The following TBCE variants were observed in gnomAD, a reference collection of about 807,000 sequenced individuals.
The protein encoded by TBCE is tubulin folding cofactor E, also known as tubulin-specific chaperone E.
In TBCE, 53 loss-of-function variants were observed where a neutral mutation model predicts 77.0. That is an observed-to-expected ratio of 0.69 (90% CI 0.55 to 0.87). The LOEUF (loss-of-function observed/expected upper bound fraction) is 0.87. Among genes scored for constraint, TBCE ranks in the 40% least tolerant of loss-of-function variants. The pLI, the probability that TBCE is intolerant of heterozygous loss-of-function variation, is 0.00. For synonymous variants in TBCE, 235 were observed against 241.3 expected (o/e 0.97, Z 0.24); for missense variants, 624 against 622.4 (o/e 1.00, Z -0.03).
intron 3 of TBCE, among the ~76,000 whole-genome samples, chr1:235,411,362 G>A (rs1472328831): frequency 6.6e-6 from 1 of 152,160 alleles, no homozygotes; most frequent in Non-Finnish European, 1.5e-5. Context: ...TTGAAGCCTT[G>A]GTAAAATAAG....
At chr1:235,385,146 C>A (rs1026969572) in intron 2 of TBCE, among the ~76,000 whole-genome samples, 1 of 152,082 alleles carries the variant, frequency 6.6e-6, no homozygotes, top group South Asian at 2.1e-4. Context: ...TTTCTTAATC[C>A]TGAATTCTAG....
intron 2 of TBCE, among the ~76,000 whole-genome samples, chr1:235,388,283 CTTTTTTTTTTT>C (rs908940784): frequency 7.7e-5 from 9 of 117,336 alleles, no homozygotes; most frequent in Non-Finnish European, 1.2e-4. Flanking sequence ...TCTGTTACTT[CTTTTTTTTTTT>C]TTTTTTTTTT....
At chr1:235,408,428 G>GA (rs1294598871) in intron 3 of TBCE, among the ~76,000 whole-genome samples, 1 of 149,434 alleles carries the variant, frequency 6.7e-6, no homozygotes, top group Non-Finnish European at 1.5e-5. Flanking sequence ...TAAAGTGTTG[G>GA]AAGATTTTTT....
intron 3 of TBCE, among the ~76,000 whole-genome samples, chr1:235,404,961 T>A (rs900704341): frequency 9.8e-6 from 1 of 101,564 alleles, no homozygotes; most frequent in African/African-American, 4.8e-5. Flanking sequence ...TGCCCGGTAC[T>A]TTTTTTTTTT....
chr1:235,371,364 CT>C (rs962308203), intron 1 of TBCE, among the ~76,000 whole-genome samples: 21 of 133,754 alleles, frequency 1.6e-4, no homozygotes, highest in South Asian at 2.4e-4. Flanking sequence ...CCACTCTTGT[CT>C]TTTTTTTTTT....
chr1:235,386,360 G>T (rs1423802362), intron 2 of TBCE, among the ~76,000 whole-genome samples: 4 of 151,606 alleles, frequency 2.6e-5, no homozygotes, highest in African/African-American at 2.4e-5. Context: ...TGCTAGATTG[G>T]GGAAGTTCTC....
rs1240836455 is a variant in TBCE, at chr1:235,382,454, C to T, written c.100+2305C>T. 2.2e-4 allele frequency among the ~76,000 whole-genome samples: 34 copies of T among 152,162 alleles called. No individual in the cohort carries two copies. The East Asian group carries it at 6.4e-3, about 28-fold the overall frequency. On this transcript the variant is annotated intron_variant, in intron 2 of 16. Coordinates refer to ENST00000642610, the MANE Select transcript of TBCE (RefSeq NM_003193.5). ...CAACAGTGTAAAAGTGTTCCTATTT[C>T]TCCACATCCTCTCCAGCACCTGTTG... is the stretch of plus-strand genomic sequence containing the variant.
At chr1:235,421,762 A>G (rs1407369076) in intron 5 of TBCE, among the ~76,000 whole-genome samples, 1 of 152,204 alleles carries the variant, frequency 6.6e-6, no homozygotes, top group African/African-American at 2.4e-5. Context: ...TTTAACTTTA[A>G]AAGGTCTTTC....
chr1:235,380,694 T>A (rs1269049146), intron 2 of TBCE, among the ~76,000 whole-genome samples: 1 of 152,178 alleles, frequency 6.6e-6, no homozygotes, highest in African/African-American at 2.4e-5. Flanking sequence ...TTTGTTTAAT[T>A]GTTCCCCATT....
intron 1 of TBCE, among the ~76,000 whole-genome samples, chr1:235,379,354 C>G (rs1459957350): frequency 6.6e-6 from 1 of 151,924 alleles, no homozygotes; most frequent in Non-Finnish European, 1.5e-5. Context: ...ATGGTGAAAC[C>G]CCGTCTATAC....
At chr1:235,446,679 C>T (rs1281676570) in intron 15 of TBCE, among the ~76,000 whole-genome samples, 5 of 150,406 alleles carry the variant, frequency 3.3e-5, no homozygotes, top group Admixed American at 6.7e-5. Flanking sequence ...TCTATAGAAC[C>T]GGTATGAGTA....
At chr1:235,440,654 A>AC (rs1259442891) in intron 13 of TBCE, among the ~76,000 whole-genome samples, 2 of 152,000 alleles carry the variant, frequency 1.3e-5, no homozygotes, top group Non-Finnish European at 2.9e-5. Flanking sequence ...TCAGCCTCCC[A>AC]AAGTGCTGGG....
chr1:235,434,054 T>C, intron 7 of TBCE, 150 bp from the exon 8 acceptor site: 1 of 759,100 alleles, frequency 1.3e-6, no homozygotes, highest in South Asian at 1.4e-5. Context: ...CCACCACTAT[T>C]CCAGGCCTGA....
chr1:235,397,185 G>A (rs566380819), intron 2 of TBCE, among the ~76,000 whole-genome samples: 1 of 147,040 alleles, frequency 6.8e-6, no homozygotes, highest in African/African-American at 2.5e-5. Context: ...ACGTTGGCCA[G>A]GATGGTCTCA....
At chr1:235,386,466 A>G (rs1678011145) in intron 2 of TBCE, among the ~76,000 whole-genome samples, 1 of 152,152 alleles carries the variant, frequency 6.6e-6, no homozygotes, top group African/African-American at 2.4e-5. Flanking sequence ...TTTTTCACAT[A>G]GTCCCATATT....
At chr1:235,398,142 C>CT (rs11285697) in intron 2 of TBCE, among the ~76,000 whole-genome samples, 39 of 129,746 alleles carry the variant, frequency 3.0e-4, no homozygotes, top group Non-Finnish European at 4.1e-4. Flanking sequence ...TTACTTCTTT[C>CT]TTTTTTTTTT....
At chr1:235,404,981 G>T in intron 3 of TBCE, among the ~76,000 whole-genome samples, 1 of 132,318 alleles carries the variant, frequency 7.6e-6, no homozygotes. Context: ...TTTTTTTTTG[G>T]AGACAGAGTC....
chr1:235,412,036 C>T (rs1004620239), intron 3 of TBCE, among the ~76,000 whole-genome samples: 4 of 146,198 alleles, frequency 2.7e-5, no homozygotes, highest in African/African-American at 1.1e-4. Flanking sequence ...CTGGTTTTAG[C>T]ATTGGACATG....
chr1:235,420,773 G>A (rs945548252), intron 5 of TBCE, among the ~76,000 whole-genome samples: 3 of 152,114 alleles, frequency 2.0e-5, no homozygotes, highest in Admixed American at 1.3e-4. Context: ...GAGCCACCAC[G>A]CCTGGCCTCG....
Sources: gnomAD v4.1 joint callset for allele counts (sites outside exome capture counted in the v4.1 genomes callset) on GRCh38, gnomAD v4.1.1 for gene constraint, MANE v1.5 for transcripts, NCBI Gene and HGNC (gene_info 2026-07-23, HGNC 2026-07-21) for gene names.